UPP2: variants seen among roughly 807,000 people sequenced by gnomAD.
The protein encoded by UPP2 is uridine phosphorylase 2, also known as UPase 2.
Under a neutral mutation model 26.7 loss-of-function variants are expected in UPP2, and 23 were observed. The ratio of observed to expected loss-of-function variants is 0.86; its 90% confidence interval spans 0.62 to 1.22. The LOEUF (loss-of-function observed/expected upper bound fraction) is 1.22, where lower values mean the gene tolerates loss of function less well. Ranked by LOEUF, UPP2 falls within the 50% of genes most tolerant of loss-of-function variation. The pLI is 0.00. For missense variants in UPP2, 387 were observed against 396.7 expected, an observed-to-expected ratio of 0.98 and a Z score of 0.21; for synonymous variants, 127 against 141.3, an observed-to-expected ratio of 0.90 and a Z score of 0.72.
intron 2 of UPP2, among the ~76,000 whole-genome samples, chr2:158,000,676 G>T (rs1683391119): frequency 1.3e-5 from 2 of 152,236 alleles, no homozygotes; most frequent in Admixed American, 1.3e-4. Context: ...AAATTTATTG[G>T]CCTGTTAGAG....
chr2:158,049,127 G>C (rs1380353729), intron 3 of UPP2, among the ~76,000 whole-genome samples: 2 of 152,158 alleles, frequency 1.3e-5, no homozygotes, highest in Non-Finnish European at 2.9e-5. Flanking sequence ...GCCTTACTAG[G>C]TGATTCTTAC....
chr2:158,058,292 CAAAAAAAAAAAAAAAAAA>C (rs57994785), intron 3 of UPP2, among the ~76,000 whole-genome samples: 2 of 38,820 alleles, frequency 5.2e-5, no homozygotes, highest in East Asian at 1.1e-3. Context: ...GACTCCGTCT[CAAAAAAAAAAAAAAAAAA>C]AAAAAAAAAA....
intron 3 of UPP2, among the ~76,000 whole-genome samples, chr2:158,068,076 AT>A (rs1682466637): frequency 6.6e-6 from 1 of 152,148 alleles, no homozygotes; most frequent in Admixed American, 6.5e-5. Context: ...AGAGTGTGAA[AT>A]TATTTAAGAA....
At chr2:158,016,146 A>ATT (rs57865237) in intron 3 of UPP2, among the ~76,000 whole-genome samples, 3 of 149,096 alleles carry the variant, frequency 2.0e-5, no homozygotes, top group Middle Eastern at 3.2e-3. Flanking sequence ...AAACTAACAG[A>ATT]TTTTTTTTTT....
chr2:158,112,075 G>C (rs551209339), intron 2 of UPP2, among the ~76,000 whole-genome samples: 1 of 152,190 alleles, frequency 6.6e-6, no homozygotes, highest in East Asian at 1.9e-4. Flanking sequence ...TAAAATTCCA[G>C]TTGCCTATTT....
At chr2:158,008,658 G>T (rs534405940) in intron 2 of UPP2, among the ~76,000 whole-genome samples, 130 of 152,256 alleles carry the variant, frequency 8.5e-4, no homozygotes, top group African/African-American at 3.0e-3. Context: ...ATAACTCCAA[G>T]ATTAAAAGCA....
intron 2 of UPP2, among the ~76,000 whole-genome samples, chr2:158,001,927 C>G (rs1325954039): frequency 8.6e-6 from 1 of 116,016 alleles, no homozygotes; most frequent in Admixed American, 1.3e-4. Flanking sequence ...AAGCGGACAG[C>G]TTTTCTGGTT....
chr2:158,053,754 C>T (rs575208438), intron 3 of UPP2, among the ~76,000 whole-genome samples: 1 of 152,302 alleles, frequency 6.6e-6, no homozygotes, highest in African/African-American at 2.4e-5. Flanking sequence ...GGATGTCTCA[C>T]ACATTACCAT....
intron 3 of UPP2, chr2:158,066,085 G>T: frequency 4.0e-6 from 1 of 251,910 alleles, no homozygotes; most frequent in Non-Finnish European, 7.8e-6. Context: ...GGTCCCTGAT[G>T]CTATTGCCTT....
At chr2:158,026,739 T>C (rs1683838839) in intron 3 of UPP2, among the ~76,000 whole-genome samples, 2 of 152,174 alleles carry the variant, frequency 1.3e-5, no homozygotes, top group Non-Finnish European at 2.9e-5. Context: ...CAGTCTGTAT[T>C]AGTCCATTTT....
intron 3 of UPP2, among the ~76,000 whole-genome samples, chr2:158,081,886 T>C (rs928208755): frequency 1.3e-4 from 19 of 151,986 alleles, no homozygotes; most frequent in African/African-American, 4.3e-4. Context: ...TAAGATCTAG[T>C]ATTTTTTATA....
intron 3 of UPP2, among the ~76,000 whole-genome samples, chr2:158,064,380 C>T (rs894741419): frequency 1.8e-4 from 28 of 152,000 alleles, no homozygotes; most frequent in Middle Eastern, 6.8e-3. Flanking sequence ...TGTTTGTTGG[C>T]CACATGAATA....
At chr2:158,093,888 C>T (rs1682948389) in intron 3 of UPP2, among the ~76,000 whole-genome samples, 1 of 150,832 alleles carries the variant, frequency 6.6e-6, no homozygotes, top group South Asian at 2.1e-4. Context: ...CAAGAAGATA[C>T]CCATAAGGAT....
intron 2 of UPP2, among the ~76,000 whole-genome samples, chr2:158,004,060 C>T (rs1334470728): frequency 6.6e-6 from 1 of 151,906 alleles, no homozygotes; most frequent in Non-Finnish European, 1.5e-5. Flanking sequence ...TGCCTGGCAC[C>T]CAGTAAGCTC....
intron 2 of UPP2, among the ~76,000 whole-genome samples, chr2:158,004,221 A>G (rs1287304399): frequency 3.3e-5 from 5 of 152,156 alleles, no homozygotes; most frequent in Admixed American, 3.3e-4. Flanking sequence ...GTTCTTTACT[A>G]TATTACTTTT....
At chr2:158,070,156 T>A (rs895572641) in intron 3 of UPP2, among the ~76,000 whole-genome samples, 2 of 152,184 alleles carry the variant, frequency 1.3e-5, no homozygotes, top group South Asian at 4.1e-4. Flanking sequence ...AGCCAATCTT[T>A]TGCTACTGTA....
intron 4 of UPP2, 97 bp from the exon 5 acceptor site, chr2:158,121,309 CATT>C: frequency 9.8e-7 from 1 of 1,023,528 alleles, no homozygotes; most frequent in South Asian, 1.4e-5. Context: ...CAGGGAGACT[CATT>C]AGCAGCTAGC....
intron 2 of UPP2, among the ~76,000 whole-genome samples, chr2:158,000,145 C>G (rs1034646622): frequency 6.6e-6 from 1 of 151,714 alleles, no homozygotes; most frequent in African/African-American, 2.4e-5. Context: ...CTCACTGCAA[C>G]CTCTGTCTCC....
intron 3 of UPP2, among the ~76,000 whole-genome samples, chr2:158,057,460 A>G (rs910560786): frequency 1.3e-5 from 2 of 152,212 alleles, no homozygotes; most frequent in Non-Finnish European, 2.9e-5. Flanking sequence ...ATAATCCATT[A>G]CTACTCTATT....
Sources: allele counts gnomAD v4.1 joint callset (sites outside exome capture counted in the v4.1 genomes callset), GRCh38; gene constraint gnomAD v4.1.1; transcripts MANE v1.5; gene names NCBI Gene and HGNC (gene_info 2026-07-23, HGNC 2026-07-21).